Variants in SLMAP observed in about 807,000 individuals in gnomAD.
SLMAP encodes the protein sarcolemmal membrane-associated protein.
In SLMAP, 44 loss-of-function variants were observed where a neutral mutation model predicts 128.8. The ratio of observed to expected loss-of-function variants is 0.34; its 90% CI spans 0.27 to 0.44. SLMAP has a LOEUF of 0.44. Among genes scored for constraint, SLMAP ranks in the 20% least tolerant of loss-of-function variants. The pLI is 1.00. For synonymous variants in SLMAP, 327 were observed against 348.8 expected, an observed-to-expected ratio of 0.94 and a Z score of 0.70; for missense variants, 787 against 985.3, an observed-to-expected ratio of 0.80 and a Z score of 2.69.
chr3:57,847,410 T>C (rs1206853382), intron 5 of SLMAP, among the ~76,000 whole-genome samples, 177 bp downstream of exon 5: 3 of 152,226 alleles, frequency 2.0e-5, no homozygotes, highest in African/African-American at 4.8e-5. Context: ...GAATCTAAGA[T>C]GGATGTTTCT....
intron 23 of SLMAP, among the ~76,000 whole-genome samples, chr3:57,924,364 T>A (rs542574487): frequency 6.6e-5 from 10 of 152,152 alleles, no homozygotes; most frequent in Admixed American, 2.0e-4. Context: ...GCCTTTTTTT[T>A]TTCTTTTTTC....
Position 57,838,748 on chromosome 3 carries a change from T to C in SLMAP, c.347-2551T>C, listed in dbSNP as rs150756962. 1.6e-4 allele frequency among the ~76,000 whole-genome samples: 24 copies of C among 152,268 alleles called. No individual in the cohort carries two copies. The East Asian group carries it at 4.4e-3, about 28-fold the overall frequency. On this transcript the variant is annotated intron_variant, in intron 3 of 24. Coordinates refer to ENST00000671191, the MANE Select transcript of SLMAP (RefSeq NM_001377540.1). ...CAGGCGAGAGGATAAAAACATTGCTTACAGAAGGGACAGCCTGTGTAAAAG... is the reference window on the plus strand; with the variant it reads ...CAGGCGAGAGGATAAAAACATTGCTCACAGAAGGGACAGCCTGTGTAAAAG...
chr3:57,757,206 C>A lies in SLMAP; in HGVS notation c.-446C>A. On this transcript the variant is annotated 5_prime_UTR_variant, in exon 2 of 25. Coordinates refer to ENST00000671191, the MANE Select transcript of SLMAP (RefSeq NM_001377540.1). ...CTTTCCTGGCCGCGCCGAACCGACC[C>A]TTCATTCATGCTGCAGTGCTGCAAC... 5.1e-6 allele frequency: 1 copy of A among 196,764 alleles called. No individual in the cohort carries two copies. Among genetic ancestry groups the A allele is most frequent in the Non-Finnish European group, 1.1e-5 (1 of 94,376 alleles). 12.2% of individuals were successfully genotyped at this position (196,764 alleles called of 1,614,324 possible).
chr3:57,860,632 T>A lies in SLMAP; in HGVS notation c.688-67T>A. Reference sequence around the variant, plus strand: ...TTTAAAGTATATCATAATGTGTTAATTTTTTTCAAACAATAAATGCTTTTA... The same window carrying A: ...TTTAAAGTATATCATAATGTGTTAAATTTTTTCAAACAATAAATGCTTTTA... On this transcript the variant is annotated intron_variant, in intron 8 of 24. Coordinates refer to ENST00000671191, the MANE Select transcript of SLMAP (RefSeq NM_001377540.1). 7 of 1,257,044 alleles carry A rather than the reference T, an allele frequency of 5.6e-6. 1 individual carries two copies. The highest frequency in any genetic ancestry group is 5.6e-4 in the Middle Eastern group (2 of 3,586). The allele number at this position is 1,257,044 out of a possible 1,614,324, so 77.9% of individuals were successfully genotyped here. A position where few individuals can be genotyped will look rare whatever the true frequency, so the allele number is the denominator to read the frequency against.
chr3:57,837,266 G>A (rs1051990967), intron 3 of SLMAP, among the ~76,000 whole-genome samples: 1 of 152,172 alleles, frequency 6.6e-6, no homozygotes, highest in Non-Finnish European at 1.5e-5. Context: ...GCAACTATAG[G>A]AAGTGTGTCT....
At chr3:57,879,949 C>CAA (rs200618505) in intron 14 of SLMAP, among the ~76,000 whole-genome samples, 19 of 108,302 alleles carry the variant, frequency 1.8e-4, no homozygotes, top group African/African-American at 6.1e-4. Flanking sequence ...GACTCTGTCT[C>CAA]AAAAAAAAAA....
intron 17 of SLMAP, among the ~76,000 whole-genome samples, chr3:57,905,991 T>A (rs2096527482): frequency 6.6e-6 from 1 of 151,252 alleles, no homozygotes; most frequent in Admixed American, 6.6e-5. Context: ...TCGATGTTTT[T>A]GTCAAACCAC....
intron 17 of SLMAP, among the ~76,000 whole-genome samples, chr3:57,907,317 A>G (rs2096594344): frequency 6.6e-6 from 1 of 152,326 alleles, no homozygotes; most frequent in African/African-American, 2.4e-5. Flanking sequence ...ATGAGCCACC[A>G]CGCCCAGCTC....
At chr3:57,762,700 T>A (rs1299155917) in intron 2 of SLMAP, among the ~76,000 whole-genome samples, 1 of 150,014 alleles carries the variant, frequency 6.7e-6, no homozygotes, top group African/African-American at 2.5e-5. Flanking sequence ...AGATGGCAGA[T>A]AGTAGAATGG....
intron 22 of SLMAP, chr3:57,917,285 TATA>T: frequency 7.7e-7 from 1 of 1,305,142 alleles, no homozygotes; most frequent in African/African-American, 1.5e-5. Flanking sequence ...GTCTCAAAAA[TATA>T]ATATACAAAA....
intron 8 of SLMAP, among the ~76,000 whole-genome samples, chr3:57,858,798 C>T (rs549195113): frequency 2.6e-5 from 4 of 152,134 alleles, no homozygotes; most frequent in Admixed American, 1.3e-4. Context: ...CAAAATTAGC[C>T]GGGCATGGTG....
At chr3:57,843,532 C>G (rs1339112010) in intron 4 of SLMAP, among the ~76,000 whole-genome samples, 2 of 151,142 alleles carry the variant, frequency 1.3e-5, no homozygotes, top group African/African-American at 4.9e-5. Context: ...TCTTGAACTC[C>G]CGAGCACAGG....
chr3:57,917,242 G>T, intron 22 of SLMAP, 165 bp downstream of exon 22: 1 of 1,487,458 alleles, frequency 6.7e-7, no homozygotes, highest in Non-Finnish European at 9.0e-7. Context: ...TGCATATCAT[G>T]GTCCATATGT....
chr3:57,875,913 A>T (rs1413370329), intron 14 of SLMAP, among the ~76,000 whole-genome samples: 2 of 152,238 alleles, frequency 1.3e-5, no homozygotes, highest in Non-Finnish European at 2.9e-5. Flanking sequence ...AAGTAAATTT[A>T]TACTCAAGCA....
rs149986383 is a variant in SLMAP at position 57,927,389 on chromosome 3, G to A, written c.*100G>A. 7 of 1,567,364 alleles carry A rather than the reference G, an allele frequency of 4.5e-6. No homozygotes were observed. The highest frequency in any genetic ancestry group is 6.1e-6 in the Non-Finnish European group (7 of 1,144,342). On this transcript the variant is annotated 3_prime_UTR_variant, in exon 25 of 25. Coordinates refer to ENST00000671191, the MANE Select transcript of SLMAP (RefSeq NM_001377540.1). ...AGGTCTGGCCAGAGCTTCTCCATGAGAGCGTTCCTTGAGTCCGTACACCGT... is the reference window on the plus strand; with the variant it reads ...AGGTCTGGCCAGAGCTTCTCCATGAAAGCGTTCCTTGAGTCCGTACACCGT...
intron 2 of SLMAP, among the ~76,000 whole-genome samples, chr3:57,772,116 A>G (rs1226876191): frequency 2.0e-5 from 3 of 152,246 alleles, no homozygotes; most frequent in Non-Finnish European, 4.4e-5. Context: ...AAGAATTAAG[A>G]GCACTATGTG....
intron 2 of SLMAP, among the ~76,000 whole-genome samples, chr3:57,813,922 T>G (rs1308162070): frequency 6.6e-6 from 1 of 152,082 alleles, no homozygotes; most frequent in Non-Finnish European, 1.5e-5. Context: ...GCTTGAGAGT[T>G]TTGGCGTCAG....
chr3:57,886,297 C>T (rs2095885482), intron 14 of SLMAP, among the ~76,000 whole-genome samples: 1 of 151,792 alleles, frequency 6.6e-6, no homozygotes, highest in Non-Finnish European at 1.5e-5. Flanking sequence ...CGGGTTTTCA[C>T]CATGTTGGCC....
At chr3:57,896,710 A>G (rs1186481070) in intron 16 of SLMAP, 119 bp downstream of exon 16, 36 of 1,265,184 alleles carry the variant, frequency 2.8e-5, no homozygotes, top group Non-Finnish European at 3.5e-5. Flanking sequence ...GCTTCCATTT[A>G]TCAAGTCATC....
Sources: allele counts gnomAD v4.1 joint callset (sites outside exome capture counted in the v4.1 genomes callset), GRCh38; gene constraint gnomAD v4.1.1; transcripts MANE v1.5; gene names NCBI Gene and HGNC (gene_info 2026-07-23, HGNC 2026-07-21).